The following NTN1 variants were observed in gnomAD, a reference collection of about 807,000 sequenced individuals.
NTN1 encodes netrin-1.
Under a neutral mutation model 54.2 loss-of-function variants are expected in NTN1, and 11 were observed. That is an observed-to-expected ratio of 0.20 (90% CI 0.13 to 0.34). The LOEUF (loss-of-function observed/expected upper bound fraction) is 0.34. Among genes scored for constraint, NTN1 ranks in the 10% least tolerant of loss-of-function variants. NTN1 has a pLI of 1.00. For synonymous variants in NTN1, 371 were observed against 382.0 expected, an observed-to-expected ratio of 0.97 and a Z score of 0.33; for missense variants, 740 against 893.1, an observed-to-expected ratio of 0.83 and a Z score of 2.18.
chr17:9,226,056 G>A (rs924956068), intron 6 of NTN1, among the ~76,000 whole-genome samples: 2 of 151,954 alleles, frequency 1.3e-5, no homozygotes, highest in Non-Finnish European at 2.9e-5. Context: ...CTGTGGGCTC[G>A]GGGCGCCGGC....
chr17:9,117,230 G>A (rs2092216309), intron 2 of NTN1, among the ~76,000 whole-genome samples: 1 of 152,182 alleles, frequency 6.6e-6, no homozygotes, highest in Non-Finnish European at 1.5e-5. Context: ...AAGCAGATTG[G>A]CATTGGCAGC....
chr17:9,236,110 C>G (rs1567748866), intron 6 of NTN1, among the ~76,000 whole-genome samples: 1 of 116,872 alleles, frequency 8.6e-6, no homozygotes, highest in Non-Finnish European at 1.9e-5. Context: ...ATATCAAGTT[C>G]CAACATAAGA....
In NTN1 at chr17:9,141,728, G is replaced by A. The variant is rs78961511; in HGVS notation, c.1019-21085G>A. On this transcript the variant is annotated intron_variant, in intron 2 of 6. Coordinates refer to ENST00000173229, the MANE Select transcript of NTN1 (RefSeq NM_004822.3). The stretch of plus-strand genomic sequence containing the variant: ...GTGTGAGAGAGAAGGGAAAGGTGAC[G>A]GTTTATGTTTCCTGAAGAGGCAAGA... Among the ~76,000 whole-genome samples the A allele has an allele frequency of 0.028, 4,313 of 152,084 alleles. 388 individuals are homozygous for A. In the East Asian group the frequency reaches 0.31, roughly 11 times the overall value.
chr17:9,067,822 C>T (rs958526481), intron 2 of NTN1, among the ~76,000 whole-genome samples: 1 of 152,222 alleles, frequency 6.6e-6, no homozygotes, highest in African/African-American at 2.4e-5. Context: ...GGGATGGGAG[C>T]TAGGTCCATC....
chr17:9,156,638 CTG>C (rs1329220952), intron 2 of NTN1, among the ~76,000 whole-genome samples: 1 of 152,234 alleles, frequency 6.6e-6, no homozygotes, highest in African/African-American at 2.4e-5. Flanking sequence ...GATTCAGTCT[CTG>C]TGTGCAAGGG....
Position 9,072,248 on chromosome 17 carries a change from GTTT to G in NTN1, c.1018+48872_1018+48874del, listed in dbSNP as rs561199419. ...GGCCCTGGAGCCTGGGTTATTTGCT[GTTT>G]TTTTTTTTTTTTTTCAAGCGGGCAC... On this transcript the variant is annotated intron_variant, in intron 2 of 6. Coordinates refer to ENST00000173229, the MANE Select transcript of NTN1 (RefSeq NM_004822.3). 6.2e-3 allele frequency among the ~76,000 whole-genome samples: 818 copies of G among 131,428 alleles called. 7 individuals are homozygous for G. The highest frequency in any genetic ancestry group is 0.021 in the African/African-American group (756 of 36,082). The allele number at this position is 131,428 out of a possible 152,430, so 86.2% of individuals were successfully genotyped here.
intron 5 of NTN1, among the ~76,000 whole-genome samples, chr17:9,192,327 G>A (rs1904484901): frequency 6.6e-6 from 1 of 152,194 alleles, no homozygotes; most frequent in South Asian, 2.1e-4. Context: ...ATAATGATGT[G>A]GGGAGAATAT....
intron 2 of NTN1, among the ~76,000 whole-genome samples, chr17:9,057,973 C>T (rs777119460): frequency 5.3e-5 from 8 of 152,200 alleles, no homozygotes; most frequent in Admixed American, 2.6e-4. Flanking sequence ...CTGCAACCTC[C>T]GCCTCCTGGA....
intron 2 of NTN1, among the ~76,000 whole-genome samples, chr17:9,113,124 A>C (rs1371227416): frequency 1.3e-5 from 2 of 151,312 alleles, no homozygotes; most frequent in African/African-American, 4.9e-5. Context: ...CTCAGGTTCA[A>C]GTGATTCTCC....
chr17:9,171,067 AT>A, intron 3 of NTN1: 1 of 152,180 alleles, frequency 6.6e-6, no homozygotes, highest in Non-Finnish European at 1.5e-5. Flanking sequence ...CAGGGAAAGG[AT>A]AGGTTGTGCA....
At chr17:9,225,970 G>T (rs1163893688) in intron 6 of NTN1, among the ~76,000 whole-genome samples, 1 of 152,184 alleles carries the variant, frequency 6.6e-6, no homozygotes, top group African/African-American at 2.4e-5. Context: ...TGAAGAGCGC[G>T]GGTCTGGGGC....
At chr17:9,004,561 T>C in the NTN1 span, among the ~76,000 whole-genome samples, 1 of 152,214 alleles carries the variant, frequency 6.6e-6, no homozygotes, top group Non-Finnish European at 1.5e-5. Flanking sequence ...GGCCTTCCTG[T>C]TGCGGCACCC....
At chr17:9,159,253 T>C (rs1459614461) in intron 2 of NTN1, among the ~76,000 whole-genome samples, 2 of 152,090 alleles carry the variant, frequency 1.3e-5, no homozygotes, top group Non-Finnish European at 2.9e-5. Flanking sequence ...AAAAGAAATA[T>C]AAATAGAAAA....
chr17:9,139,659 A>G (rs11868476), intron 2 of NTN1, among the ~76,000 whole-genome samples: 17,495 of 152,150 alleles, frequency 0.11, 2,143 homozygotes, highest in African/African-American at 0.31. Context: ...AGAAGACATC[A>G]CCCTCGTCCT....
chr17:9,125,614 ATTTAT>A (rs1296704970), intron 2 of NTN1, among the ~76,000 whole-genome samples: 3 of 150,590 alleles, frequency 2.0e-5, no homozygotes, highest in Non-Finnish European at 3.0e-5. Context: ...TTATTTATTT[ATTTAT>A]TTAAGAGAGG....
At chr17:9,172,628 G>C (rs1205476105) in intron 3 of NTN1, among the ~76,000 whole-genome samples, 1 of 152,132 alleles carries the variant, frequency 6.6e-6, no homozygotes, top group Non-Finnish European at 1.5e-5. Context: ...TTAAACATGG[G>C]CAAAACACTT....
chr17:9,055,035 A>T (rs1287571846), intron 2 of NTN1, among the ~76,000 whole-genome samples: 4 of 152,192 alleles, frequency 2.6e-5, no homozygotes, highest in African/African-American at 9.7e-5. Context: ...GTTGGGTTAA[A>T]TGGCGAACAG....
In NTN1 at chr17:9,106,167, AC is replaced by A. The variant is rs775214919; in HGVS notation, c.1019-56645del. 1.2e-4 allele frequency among the ~76,000 whole-genome samples: 18 copies of A among 152,330 alleles called. No homozygotes were observed. In the South Asian group the frequency reaches 2.7e-3, roughly 23 times the overall value. ...GATGGGAAGTGACTTGTCTGTGATC[AC>A]ACAGGTGGTTAATTGCAGAGAAGGA... On this transcript the variant is annotated intron_variant, in intron 2 of 6. Coordinates refer to ENST00000173229, the MANE Select transcript of NTN1 (RefSeq NM_004822.3).
intron 2 of NTN1, among the ~76,000 whole-genome samples, chr17:9,120,401 T>TA (rs1327152442): frequency 6.6e-6 from 1 of 152,114 alleles, no homozygotes; most frequent in Non-Finnish European, 1.5e-5. Flanking sequence ...TCCCCCACGT[T>TA]AAGGATTTTG....
Sources: gnomAD v4.1 joint callset for allele counts (sites outside exome capture counted in the v4.1 genomes callset) on GRCh38, gnomAD v4.1.1 for gene constraint, MANE v1.5 for transcripts, NCBI Gene and HGNC (gene_info 2026-07-23, HGNC 2026-07-21) for gene names.